Variants in NECAP2 observed in about 807,000 individuals in gnomAD.
NECAP2 encodes NECAP endocytosis associated 2.
NECAP2 carries 38 observed loss-of-function variants against 37.8 expected under a neutral mutation model. That is an observed-to-expected ratio of 1.01 (90% CI 0.78 to 1.32). NECAP2 has a LOEUF of 1.32. NECAP2 is among the 40% of genes most tolerant of loss of function. NECAP2 has a pLI of 0.00. For missense variants in NECAP2, 316 were observed against 334.5 expected (o/e 0.94, Z 0.43); for synonymous variants, 121 against 127.7 (o/e 0.95, Z 0.35).
At chr1:16,440,946 C>A (rs1017068777) in intron 1 of NECAP2, 93 bp downstream of exon 1, 1 of 1,096,368 alleles carries the variant, frequency 9.1e-7, no homozygotes, top group Non-Finnish European at 1.4e-6. Flanking sequence ...ACAGCCCTGG[C>A]CAGTTTTGGG....
intron 6 of NECAP2, among the ~76,000 whole-genome samples, chr1:16,452,614 A>T (rs777639632): frequency 1.1e-4 from 17 of 152,040 alleles, no homozygotes; most frequent in Non-Finnish European, 2.5e-4. Flanking sequence ...TTTCGTTTGG[A>T]GTGAGCACCT....
At position 16,443,624 on chromosome 1, in the gene NECAP2, C is replaced by T. The variant is rs773347743; in HGVS notation, c.93-8C>T. 2 of 1,604,986 alleles carry T rather than the reference C, an allele frequency of 1.2e-6. No individual in the cohort carries two copies. The highest frequency in any genetic ancestry group is 1.7e-5 in the Admixed American group (1 of 58,868). ...CTGGCAGAGATTCAGTGGTGTTTGT[C>T]CCCTTAGGGCTGCGGAGTGGCAGCT... On this transcript the variant is annotated splice_polypyrimidine_tract_variant and splice_region_variant and intron_variant, in intron 1 of 7. Coordinates refer to ENST00000337132, the MANE Select transcript of NECAP2 (RefSeq NM_018090.5).
intron 2 of NECAP2, among the ~76,000 whole-genome samples, chr1:16,446,448 A>G (rs918554950): frequency 1.3e-5 from 2 of 152,170 alleles, no homozygotes; most frequent in South Asian, 2.1e-4. Flanking sequence ...ATTCCCAGCT[A>G]CGTGAGAGGC....
At chr1:16,446,896 CT>C (rs2086771387) in intron 2 of NECAP2, among the ~76,000 whole-genome samples, 1 of 151,884 alleles carries the variant, frequency 6.6e-6, no homozygotes, top group Admixed American at 6.6e-5. Context: ...ACTGTCTCTA[CT>C]AAAAATACAA....
chr1:16,450,554 C>T (rs2086827160), intron 5 of NECAP2: 1 of 154,810 alleles, frequency 6.5e-6, no homozygotes, highest in South Asian at 2.0e-4. Context: ...CTGGCTCATG[C>T]TTGGTGCTCA....
rs1009925245 is a variant in NECAP2 at position 16,459,136 on chromosome 1, C to G, written c.*246C>G. The G allele has an allele frequency of 2.6e-6, 2 of 778,580 alleles. No homozygotes were observed. Among genetic ancestry groups the G allele is most frequent in the South Asian group, 3.9e-5 (2 of 51,882 alleles). The allele number at this position is 778,580 out of a possible 1,614,324, so 48.2% of individuals were successfully genotyped here. A position where few individuals can be genotyped will look rare whatever the true frequency, so the allele number is the denominator to read the frequency against. ...AAGAAAAGCTCCAGGATCCCTGTCC[C>G]CATCTGTCCTCTTGATGTGAGAGAG... On this transcript the variant is annotated 3_prime_UTR_variant, in exon 8 of 8. Transcript: ENST00000337132.
Position 16,443,713 on chromosome 1 carries a change from G to T in NECAP2, c.174G>T (p.Lys58Asn). 6.2e-7 allele frequency: 1 copy of T among 1,612,882 alleles called. No individual in the cohort carries two copies. Among genetic ancestry groups the T allele is most frequent in the Non-Finnish European group, 8.5e-7 (1 of 1,179,734 alleles). The change falls in exon 2 of 8, where the codon AAG (lysine) becomes AAT (asparagine). Residue 58 changes from lysine (K) to asparagine (N), a missense_variant. Physicochemically the swap from Lys to Asn is moderately conservative, Grantham distance 94. Coordinates refer to ENST00000337132, the MANE Select transcript of NECAP2 (RefSeq NM_018090.5). The stretch of plus-strand genomic sequence containing the variant: ...CAAAGGGACAGATGGCCTACATCAA[G>T]CTGGAGGACAGGACGTCAGGTAACC... ...ITAKGQMAYI[K>N]LEDRTSGELF...
At chr1:16,444,342 C>T (rs1429184627) in intron 2 of NECAP2, among the ~76,000 whole-genome samples, 8 of 152,160 alleles carry the variant, frequency 5.3e-5, no homozygotes, top group African/African-American at 1.2e-4. Flanking sequence ...CTAGTGGGGT[C>T]GGACACAGTG....
At chr1:16,454,388 C>T (rs911351532) in intron 6 of NECAP2, among the ~76,000 whole-genome samples, 1 of 141,614 alleles carries the variant, frequency 7.1e-6, no homozygotes, top group Admixed American at 7.1e-5. Context: ...AGGAGTCTCA[C>T]TCTGTTGCCC....
At chr1:16,454,439 T>C (rs542811563) in intron 6 of NECAP2, among the ~76,000 whole-genome samples, 1 of 151,896 alleles carries the variant, frequency 6.6e-6, no homozygotes, top group South Asian at 2.1e-4. Flanking sequence ...TACTGCAACC[T>C]CCGCTTCCTG....
intron 5 of NECAP2, chr1:16,450,210 C>G: frequency 4.4e-6 from 2 of 452,904 alleles, no homozygotes; most frequent in Non-Finnish European, 8.9e-6. Context: ...TTGGAGGAAA[C>G]TAACATTTAA....
At chr1:16,452,941 T>C (rs140127202) in intron 6 of NECAP2, among the ~76,000 whole-genome samples, 280 of 151,482 alleles carry the variant, frequency 1.8e-3, no homozygotes, top group African/African-American at 6.5e-3. Flanking sequence ...TATCTGGAGG[T>C]CAAGCTTCAG....
chr1:16,456,810 T>A (rs2086927243), intron 7 of NECAP2, among the ~76,000 whole-genome samples: 1 of 152,240 alleles, frequency 6.6e-6, no homozygotes, highest in Non-Finnish European at 1.5e-5. Context: ...CACGGCTTAC[T>A]GCAACCACAT....
chr1:16,444,730 T>G (rs1267775631), intron 2 of NECAP2, among the ~76,000 whole-genome samples: 1 of 152,208 alleles, frequency 6.6e-6, no homozygotes, highest in Non-Finnish European at 1.5e-5. Flanking sequence ...CCAGAGACTT[T>G]AAGCTGGAGA....
At chr1:16,450,703 T>G (rs2086829898) in intron 5 of NECAP2, 1 of 152,416 alleles carries the variant, frequency 6.6e-6, no homozygotes, top group Non-Finnish European at 1.5e-5. Flanking sequence ...ATCCCAGCAC[T>G]TTGGGAGGCT....
intron 6 of NECAP2, 51 bp from the exon 7 acceptor site, chr1:16,455,758 GTCTCTGACT>G: frequency 7.4e-7 from 1 of 1,360,384 alleles, no homozygotes; most frequent in Non-Finnish European, 1.1e-6. Flanking sequence ...AACCAGAAAG[GTCTCTGACT>G]TCTCTGTCCC....
At chr1:16,443,010 C>T (rs999998231) in intron 1 of NECAP2, among the ~76,000 whole-genome samples, 3 of 152,210 alleles carry the variant, frequency 2.0e-5, no homozygotes, top group South Asian at 2.1e-4. Flanking sequence ...CTCACATGTA[C>T]TGTTGTTCTC....
chr1:16,449,312 G>A, intron 5 of NECAP2, 111 bp downstream of exon 5: 4 of 701,848 alleles, frequency 5.7e-6, no homozygotes, highest in Admixed American at 2.6e-5. Context: ...GATGTTTAGT[G>A]AGCATCTGCC....
chr1:16,451,515 A>G (rs1384026322), intron 5 of NECAP2: 1 of 310,486 alleles, frequency 3.2e-6, no homozygotes, highest in Admixed American at 4.7e-5. Context: ...GTGAATGGTT[A>G]CTTCATATCG....
Sources: allele counts gnomAD v4.1 joint callset (sites outside exome capture counted in the v4.1 genomes callset), GRCh38; gene constraint gnomAD v4.1.1; transcripts MANE v1.5; gene names NCBI Gene and HGNC (gene_info 2026-07-23, HGNC 2026-07-21).